Variants in TAF8 observed in about 807,000 individuals in gnomAD.
TAF8 encodes the protein transcription initiation factor TFIID subunit 8.
In TAF8, 47 loss-of-function variants were observed where a neutral mutation model predicts 36.5. The ratio of observed to expected loss-of-function variants is 1.29; its 90% confidence interval spans 1.02 to 1.64. The LOEUF is 1.64. Among genes scored for constraint, TAF8 ranks in the 40% most tolerant of loss-of-function variants. TAF8 has a pLI of 0.00. For missense variants in TAF8, 420 were observed against 407.6 expected (o/e 1.03, Z -0.26); for synonymous variants, 175 against 159.5 (o/e 1.10, Z -0.73).
Position 42,050,872 on chromosome 6 carries a change from A to G in TAF8, c.45+286A>G. The G allele has an allele frequency of 4.2e-6, 5 of 1,186,844 alleles. No homozygotes were observed. In the South Asian group the frequency reaches 1.6e-4, roughly 39 times the overall value. The allele number at this position is 1,186,844 out of a possible 1,614,324, so 73.5% of individuals were successfully genotyped here. A position where few individuals can be genotyped will look rare whatever the true frequency, so the allele number is the denominator to read the frequency against. ...TTTCGCCTTCTTATTGGCCGGCCAAAGTTGAAAGGCATTCCCGTTTCAAAA... is the reference window on the plus strand; with the variant it reads ...TTTCGCCTTCTTATTGGCCGGCCAAGGTTGAAAGGCATTCCCGTTTCAAAA... On this transcript the variant is annotated intron_variant, in intron 1 of 8. Transcript: ENST00000372977.
rs1034526063 is a variant in TAF8 at position 42,082,183 on chromosome 6, A to G, written c.*4638A>G. Reference sequence around the variant, plus strand: ...ACCAGCACACAAATGGTGAAGACACAGAACCATTGCATCAGTACAGTTCTC... The same window carrying G: ...ACCAGCACACAAATGGTGAAGACACGGAACCATTGCATCAGTACAGTTCTC... On this transcript the variant is annotated 3_prime_UTR_variant, in exon 9 of 9. Transcript: ENST00000372977. The G allele has an allele frequency of 2.6e-5, 4 of 152,276 alleles. No homozygotes were observed. Among genetic ancestry groups the G allele is most frequent in the African/African-American group, 9.6e-5 (4 of 41,470 alleles). 9.4% of individuals were successfully genotyped at this position (152,276 alleles called of 1,614,324 possible).
rs1362430955 is a variant in TAF8 at position 42,068,478 on chromosome 6, AC to A, written c.653del (p.Pro218LeufsTer7). On this transcript the variant is annotated frameshift_variant, in exon 7 of 9. Transcript: ENST00000372977. LOFTEE classifies it high-confidence loss of function. ...CCAATTCGCCAGTGATTGCTGCCAG[AC>A]CTTTCACCATCCCCTACCTGACAGC... is the stretch of plus-strand genomic sequence containing the variant. The part of the protein sequence containing the change: ...VSTFPLIAAR[P>X]FTIPYLTALL... The A allele has an allele frequency of 6.2e-7, 1 of 1,613,914 alleles. No individual in the cohort carries two copies. The highest frequency in any genetic ancestry group is 8.5e-7 in the Non-Finnish European group (1 of 1,180,030).
chr6:42,072,389 C>T lies in TAF8; in HGVS notation c.780+3782C>T, dbSNP rs1003725679. ...GTGCAAAAAGATGTATGGTGACAAT[C>T]CCTCCCATCCTGTTCCCTGTTACCC... is the stretch of plus-strand genomic sequence containing the variant. On this transcript the variant is annotated intron_variant, in intron 7 of 8. Coordinates refer to ENST00000372977, the MANE Select transcript of TAF8 (RefSeq NM_138572.3). 4.6e-5 allele frequency among the ~76,000 whole-genome samples: 7 copies of T among 152,294 alleles called. No homozygotes were observed. In the South Asian group the frequency reaches 1.4e-3, roughly 32 times the overall value.
chr6:42,070,484 T>C (rs964093868), intron 7 of TAF8, among the ~76,000 whole-genome samples: 4 of 152,330 alleles, frequency 2.6e-5, no homozygotes, highest in Non-Finnish European at 5.9e-5. Context: ...ACAGCAAGAC[T>C]CTGTCTCAAA....
chr6:42,055,979 A>G lies in TAF8; in HGVS notation c.329A>G (p.Tyr110Cys). Residue 110 changes from tyrosine to cysteine, a missense_variant, in exon 4 of 9, where the codon TAT (tyrosine) becomes TGT (cysteine). Tyr to Cys is a radical substitution (Grantham distance 194). Transcript: ENST00000372977. ...TTCAATGTGGACACTCTCCCTGCTT[A>G]TGCAAAACGGTCTCAGAGGATGGTC... is the stretch of plus-strand genomic sequence containing the variant. ...MGFNVDTLPA[Y>C]AKRSQRMVIT... 2 of 1,613,712 alleles carry G rather than the reference A, an allele frequency of 1.2e-6. No individual in the cohort carries two copies. The highest frequency in any genetic ancestry group is 1.7e-6 in the Non-Finnish European group (2 of 1,179,574).
At position 42,055,737 on chromosome 6, in the gene TAF8, T is replaced by C. The variant is rs1764961284; in HGVS notation, c.301+108T>C. On this transcript the variant is annotated intron_variant, in intron 3 of 8. Transcript: ENST00000372977. ...TGGTTTCCCTCATGGTTCTCTTGAA[T>C]TGCTTTGAGCTTGAGAGAGTTATCA... 8.6e-6 allele frequency: 8 copies of C among 932,528 alleles called. No homozygotes were observed. The South Asian group carries it at 9.8e-5, about 11-fold the overall frequency. 57.8% of individuals were successfully genotyped at this position (932,528 alleles called of 1,614,324 possible). A position where few individuals can be genotyped will look rare whatever the true frequency, so the allele number is the denominator to read the frequency against.
chr6:42,078,821 T>G lies in TAF8; in HGVS notation c.*1276T>G. 2.0e-6 allele frequency: 2 copies of G among 985,332 alleles called. No individual in the cohort carries two copies. Among genetic ancestry groups the G allele is most frequent in the South Asian group, 9.4e-5 (2 of 21,274 alleles). The allele number at this position is 985,332 out of a possible 1,614,324, so 61.0% of individuals were successfully genotyped here. ...GGACTTGACAGAGGAGCCATGGGGT[T>G]TAAACAGTAGGAAAGAGGGGCTACG... On this transcript the variant is annotated 3_prime_UTR_variant, in exon 9 of 9. Transcript: ENST00000372977.
rs144536326 is a variant in TAF8 at position 42,076,915 on chromosome 6, T to C, written c.781-185T>C. 1.4e-4 allele frequency among the ~76,000 whole-genome samples: 21 copies of C among 152,302 alleles called. No homozygotes were observed. In the East Asian group the frequency reaches 2.5e-3, roughly 18 times the overall value. On this transcript the variant is annotated intron_variant, in intron 7 of 8. Coordinates refer to ENST00000372977, the MANE Select transcript of TAF8 (RefSeq NM_138572.3). ...TTGGGTCAAGGCTGTTAGTCTTGCC[T>C]TCCCTTCATAGCCAGCCCCTGCCTG...
chr6:42,056,648 G>A (rs948101917), intron 4 of TAF8, among the ~76,000 whole-genome samples: 4 of 152,110 alleles, frequency 2.6e-5, no homozygotes, highest in Non-Finnish European at 5.9e-5. Context: ...TGTTGCCCAG[G>A]CTGGAGTGCA....
At chr6:42,071,138 A>C (rs1432053806) in intron 7 of TAF8, among the ~76,000 whole-genome samples, 1 of 152,034 alleles carries the variant, frequency 6.6e-6, no homozygotes, top group Admixed American at 6.6e-5. Flanking sequence ...GCCATATTCA[A>C]CCATCCTTTA....
chr6:42,070,875 T>C (rs944265209), intron 7 of TAF8, among the ~76,000 whole-genome samples: 19 of 152,136 alleles, frequency 1.2e-4, no homozygotes, highest in Admixed American at 2.0e-4. Flanking sequence ...GGACTAGCCT[T>C]CTTCTGGACA....
intron 2 of TAF8, among the ~76,000 whole-genome samples, chr6:42,052,383 A>G (rs1164417113): frequency 7.2e-6 from 1 of 138,096 alleles, no homozygotes; most frequent in Non-Finnish European, 1.5e-5. Context: ...GTGCAGTGGC[A>G]CAATCTCAGC....
intron 7 of TAF8, among the ~76,000 whole-genome samples, chr6:42,068,944 C>T (rs1411555952): frequency 2.6e-5 from 4 of 151,860 alleles, no homozygotes; most frequent in Non-Finnish European, 4.4e-5. Flanking sequence ...GGGAGGGATG[C>T]AGTATTAGGT....
Position 42,077,807 on chromosome 6 carries a change from A to T in TAF8, c.*262A>T, listed in dbSNP as rs1473401751. 1 of 1,258,128 alleles carries T rather than the reference A, an allele frequency of 7.9e-7. No individual in the cohort carries two copies. Among genetic ancestry groups the T allele is most frequent in the Non-Finnish European group, 1.0e-6 (1 of 972,690 alleles). The allele number at this position is 1,258,128 out of a possible 1,614,324, so 77.9% of individuals were successfully genotyped here. The stretch of plus-strand genomic sequence containing the variant: ...GTCTTACTCTATCACCCAGGCTGGA[A>T]TGCAGTGGTGTGATCTCAGCTCACT... On this transcript the variant is annotated 3_prime_UTR_variant, in exon 9 of 9. Transcript: ENST00000372977.
rs769279140 is a variant in TAF8, at chr6:42,057,417, C to G, written c.393C>G (p.Pro131=). The G allele has an allele frequency of 1.2e-6, 2 of 1,614,104 alleles. No individual in the cohort carries two copies. Among genetic ancestry groups the G allele is most frequent in the South Asian group, 2.2e-5 (2 of 91,080 alleles). Residue 131 remains proline (P), a synonymous_variant, in exon 5 of 9, where the codon CCC becomes CCG. Coordinates refer to ENST00000372977, the MANE Select transcript of TAF8 (RefSeq NM_138572.3). The part of the protein sequence containing the change: ...APPVTNQPVT[P]KALTAGQNRP... The stretch of plus-strand genomic sequence containing the variant: ...CGGTGACCAATCAGCCAGTGACCCC[C>G]AAGGCCCTCACTGCAGGGCAGAACC...
chr6:42,080,564 CG>C lies in TAF8; in HGVS notation c.*3023del. ...ATTTTTTTTGTATTTTTGGTAGAGACGGGGTTTCACCAGGTTGGCCAGGGTG... is the reference window on the plus strand; with the variant it reads ...ATTTTTTTTGTATTTTTGGTAGAGACGGGTTTCACCAGGTTGGCCAGGGTG... On this transcript the variant is annotated 3_prime_UTR_variant, in exon 9 of 9. Transcript: ENST00000372977. The C allele has an allele frequency of 4.0e-6, 2 of 506,032 alleles. No individual in the cohort carries two copies. The highest frequency in any genetic ancestry group is 5.1e-6 in the Non-Finnish European group (2 of 392,604). 31.3% of individuals were successfully genotyped at this position (506,032 alleles called of 1,614,324 possible). A position where few individuals can be genotyped will look rare whatever the true frequency, so the allele number is the denominator to read the frequency against.
At position 42,051,490 on chromosome 6, in the gene TAF8, C is replaced by T. The variant is rs999781686; in HGVS notation, c.179C>T (p.Thr60Met). ...FESAEKASVE[T>M]LTEMLQSYIS... ...AGTGCCGAGAAAGCATCCGTGGAAA[C>T]GCTGACAGAGATGCTGCAGAGCTGT... Residue 60 changes from threonine (T) to methionine (M), a missense_variant, in exon 2 of 9, where the codon ACG (threonine) becomes ATG (methionine). Thr to Met is a moderately conservative substitution (Grantham distance 81). Transcript: ENST00000372977. 14 of 1,614,032 alleles carry T rather than the reference C, an allele frequency of 8.7e-6. No individual in the cohort carries two copies. Among genetic ancestry groups the T allele is most frequent in the Non-Finnish European group, 1.1e-5 (13 of 1,179,986 alleles).
rs1765855368 is a variant in TAF8 at position 42,079,476 on chromosome 6, G to T, written c.*1931G>T. On this transcript the variant is annotated 3_prime_UTR_variant, in exon 9 of 9. Coordinates refer to ENST00000372977, the MANE Select transcript of TAF8 (RefSeq NM_138572.3). Reference sequence around the variant, plus strand: ...AAGAAAAATGTAACAACACGTGGAAGTGAACACTGGATGAATAAGCTTGTT... The same window carrying T: ...AAGAAAAATGTAACAACACGTGGAATTGAACACTGGATGAATAAGCTTGTT... 1 of 985,304 alleles carries T rather than the reference G, an allele frequency of 1.0e-6. No individual in the cohort carries two copies. Among genetic ancestry groups the T allele is most frequent in the Non-Finnish European group, 1.2e-6 (1 of 829,930 alleles). The allele number at this position is 985,304 out of a possible 1,614,324, so 61.0% of individuals were successfully genotyped here. A position where few individuals can be genotyped will look rare whatever the true frequency, so the allele number is the denominator to read the frequency against.
At chr6:42,055,845 A>C (rs1764965174) in intron 3 of TAF8, 107 bp from the exon 4 acceptor site, 3 of 851,782 alleles carry the variant, frequency 3.5e-6, no homozygotes, top group Non-Finnish European at 5.9e-6. Flanking sequence ...GCGTGGCTGC[A>C]AGGTCATTGA....
Sources: gnomAD v4.1 joint callset for allele counts (sites outside exome capture counted in the v4.1 genomes callset) on GRCh38, gnomAD v4.1.1 for gene constraint, MANE v1.5 for transcripts, NCBI Gene and HGNC (gene_info 2026-07-23, HGNC 2026-07-21) for gene names.